Variants in TAFA4 observed in about 807,000 individuals in gnomAD.
TAFA4 encodes chemokine-like protein TAFA-4.
Under a neutral mutation model 21.1 loss-of-function variants are expected in TAFA4, and 20 were observed. That is an observed-to-expected ratio of 0.95 (90% CI 0.67 to 1.38). The LOEUF (loss-of-function observed/expected upper bound fraction) is 1.38. TAFA4 is among the 40% of genes most tolerant of loss of function. The pLI is 0.00. For synonymous variants in TAFA4, 71 were observed against 67.4 expected, an observed-to-expected ratio of 1.05 and a Z score of -0.26; for missense variants, 211 against 180.9, an observed-to-expected ratio of 1.17 and a Z score of -0.95.
rs566509598 is a variant in TAFA4, at chr3:68,784,851, C to T, written c.131-31833G>A. On this transcript the variant is annotated intron_variant, in intron 3 of 5. Coordinates refer to ENST00000295569, the MANE Select transcript of TAFA4 (RefSeq NM_182522.5). ...CTGAGCTAGACACAAAGGTTCTCCA[C>T]GTCCCCACCAGATTAGCTAGATACA... Among the ~76,000 whole-genome samples the T allele has an allele frequency of 1.1e-4, 17 of 152,186 alleles. No homozygotes were observed. In the East Asian group the frequency reaches 1.9e-3, roughly 17 times the overall value.
At chr3:68,742,909 T>C (rs1702384411) in intron 4 of TAFA4, among the ~76,000 whole-genome samples, 1 of 152,118 alleles carries the variant, frequency 6.6e-6, no homozygotes, top group African/African-American at 2.4e-5. Flanking sequence ...CTTATGCATC[T>C]ACTAGAAACA....
rs1355845011 is a variant in TAFA4 at position 68,787,529 on chromosome 3, TGTAAAGA to T, written c.131-34518_131-34512del. On this transcript the variant is annotated intron_variant, in intron 3 of 5. Coordinates refer to ENST00000295569, the MANE Select transcript of TAFA4 (RefSeq NM_182522.5). ...CAGATGAATGTCCAAAGTCTGCCAT[TGTAAAGA>T]AGAAAGAAGGGAAGAGGGCGAACGT... Among the ~76,000 whole-genome samples the T allele has an allele frequency of 2.0e-5, 3 of 152,070 alleles. No homozygotes were observed. In the East Asian group the frequency reaches 5.8e-4, roughly 29 times the overall value.
At position 68,877,599 on chromosome 3, in the gene TAFA4, G is replaced by T. The variant is rs1469857580; in HGVS notation, c.130+3131C>A. ...TAAAAGGGCTCTCAACACCCTTCTGGGTCACTCTGTTCCCCAGCTTGTTGA... is the reference window on the plus strand; with the variant it reads ...TAAAAGGGCTCTCAACACCCTTCTGTGTCACTCTGTTCCCCAGCTTGTTGA... On this transcript the variant is annotated intron_variant, in intron 3 of 5. Transcript: ENST00000295569. Among the ~76,000 whole-genome samples, 27 of 152,110 alleles carry T rather than the reference G, an allele frequency of 1.8e-4. 1 individual carries two copies. The highest frequency in any genetic ancestry group is 1.8e-3 in the Admixed American group (27 of 15,266).
At chr3:68,790,238 C>T (rs1703336750) in intron 3 of TAFA4, among the ~76,000 whole-genome samples, 1 of 150,118 alleles carries the variant, frequency 6.7e-6, no homozygotes, top group South Asian at 2.1e-4. Flanking sequence ...TTTGAAAGAT[C>T]AGATATGTAC....
chr3:68,835,214 C>A (rs961695801), intron 3 of TAFA4, among the ~76,000 whole-genome samples: 2 of 152,184 alleles, frequency 1.3e-5, no homozygotes, highest in African/African-American at 4.8e-5. Context: ...TTTGAAATAG[C>A]AAACTCCCCT....
At chr3:68,901,892 C>T (rs113699979) in intron 1 of TAFA4, among the ~76,000 whole-genome samples, 1 of 152,184 alleles carries the variant, frequency 6.6e-6, no homozygotes, top group East Asian at 1.9e-4. Context: ...CCTCTCTGAA[C>T]CTCAAGCTCT....
intron 3 of TAFA4, among the ~76,000 whole-genome samples, chr3:68,771,383 C>G (rs971674307): frequency 2.2e-4 from 34 of 152,228 alleles, no homozygotes; most frequent in Admixed American, 2.2e-3. Flanking sequence ...CCCCTAGACA[C>G]TGCCATGGGA....
At chr3:68,758,827 T>C (rs1702708449) in intron 3 of TAFA4, among the ~76,000 whole-genome samples, 1 of 152,220 alleles carries the variant, frequency 6.6e-6, no homozygotes, top group Non-Finnish European at 1.5e-5. Flanking sequence ...CAGCAGCTCG[T>C]GTTATAACAT....
rs191518486 is a variant in TAFA4 at position 68,750,427 on chromosome 3, G to T, written c.286+2436C>A. ...ACAAAGATTTCTGCAACCTAATACTGATAGGAATAAAGCAGGATGCGTGAA... is the reference window on the plus strand; with the variant it reads ...ACAAAGATTTCTGCAACCTAATACTTATAGGAATAAAGCAGGATGCGTGAA... On this transcript the variant is annotated intron_variant, in intron 4 of 5. Coordinates refer to ENST00000295569, the MANE Select transcript of TAFA4 (RefSeq NM_182522.5). 9.2e-4 allele frequency among the ~76,000 whole-genome samples: 140 copies of T among 152,294 alleles called. 2 individuals are homozygous for T. In the South Asian group the frequency reaches 0.027, roughly 29 times the overall value.
At chr3:68,836,757 C>T (rs1023271775) in intron 3 of TAFA4, among the ~76,000 whole-genome samples, 1 of 150,230 alleles carries the variant, frequency 6.7e-6, no homozygotes, top group African/African-American at 2.5e-5. Flanking sequence ...CTTTGTATAG[C>T]GAGAAAACAC....
At chr3:68,805,217 T>C (rs912459222) in intron 3 of TAFA4, among the ~76,000 whole-genome samples, 2 of 152,228 alleles carry the variant, frequency 1.3e-5, no homozygotes, top group Non-Finnish European at 1.5e-5. Flanking sequence ...TCATCATCAC[T>C]GGCCATCAGA....
intron 3 of TAFA4, among the ~76,000 whole-genome samples, chr3:68,777,952 T>C (rs935187383): frequency 2.2e-4 from 33 of 152,164 alleles, no homozygotes; most frequent in Admixed American, 2.2e-3. Flanking sequence ...AACTATATGA[T>C]ATGTGCACAA....
chr3:68,848,522 A>T (rs1704865749), intron 3 of TAFA4, among the ~76,000 whole-genome samples: 2 of 152,310 alleles, frequency 1.3e-5, no homozygotes, highest in Admixed American at 1.3e-4. Context: ...AGCCTTTTCA[A>T]CCTACTTTAC....
Position 68,793,721 on chromosome 3 carries a change from C to T in TAFA4, c.131-40703G>A, listed in dbSNP as rs139404324. Among the ~76,000 whole-genome samples, 151 of 152,256 alleles carry T rather than the reference C, an allele frequency of 9.9e-4. 1 individual carries two copies. The highest frequency in any genetic ancestry group is 3.4e-3 in the African/African-American group (142 of 41,542). On this transcript the variant is annotated intron_variant, in intron 3 of 5. Transcript: ENST00000295569. ...CATTTTTATTGCTGTGCTTGAGTTA[C>T]GGACTTTAAAAACTGCTTCATGCAT...
intron 4 of TAFA4, among the ~76,000 whole-genome samples, 189 bp from the exon 5 acceptor site, chr3:68,739,388 A>G (rs1702305256): frequency 6.6e-6 from 1 of 152,246 alleles, no homozygotes; most frequent in Admixed American, 6.5e-5. Flanking sequence ...AAATTTTAAA[A>G]GCAACAGATG....
intron 3 of TAFA4, among the ~76,000 whole-genome samples, chr3:68,815,708 T>C (rs1245652810): frequency 6.6e-6 from 1 of 152,194 alleles, no homozygotes; most frequent in Non-Finnish European, 1.5e-5. Context: ...ACTTTTACAC[T>C]GTTGGTGGGA....
At position 68,841,189 on chromosome 3, in the gene TAFA4, GGC is replaced by G. The variant is rs1233923479; in HGVS notation, c.130+39539_130+39540del. 3.2e-5 allele frequency among the ~76,000 whole-genome samples: 4 copies of G among 125,248 alleles called. 1 individual carries two copies. The highest frequency in any genetic ancestry group is 3.1e-4 in the Admixed American group (4 of 12,902). The allele number at this position is 125,248 out of a possible 152,430, so 82.2% of individuals were successfully genotyped here. The stretch of plus-strand genomic sequence containing the variant: ...ATACAAAAAATTAGCCGGGCGTAGT[GGC>G]GCGCGCCTGTAGTCCCAGCTACTTG... On this transcript the variant is annotated intron_variant, in intron 3 of 5. Coordinates refer to ENST00000295569, the MANE Select transcript of TAFA4 (RefSeq NM_182522.5).
Position 68,905,460 on chromosome 3 carries a change from G to T in TAFA4, c.-122-20150C>A, listed in dbSNP as rs367787739. ...TTGGATTACAGGTGTGAGCCACTGCGCCCGGCCGGTCTCTGCTTTCATACT... is the reference window on the plus strand; with the variant it reads ...TTGGATTACAGGTGTGAGCCACTGCTCCCGGCCGGTCTCTGCTTTCATACT... On this transcript the variant is annotated intron_variant, in intron 1 of 5. Transcript: ENST00000295569. Among the ~76,000 whole-genome samples the T allele has an allele frequency of 3.3e-5, 5 of 152,126 alleles. No individual in the cohort carries two copies. In the South Asian group the frequency reaches 1.0e-3, roughly 32 times the overall value.
intron 3 of TAFA4, among the ~76,000 whole-genome samples, chr3:68,850,168 A>C (rs1470501798): frequency 6.6e-6 from 1 of 152,194 alleles, no homozygotes; most frequent in Non-Finnish European, 1.5e-5. Flanking sequence ...CAACTCATTT[A>C]TACTAAACAC....
Sources: gnomAD v4.1 joint callset for allele counts (sites outside exome capture counted in the v4.1 genomes callset) on GRCh38, gnomAD v4.1.1 for gene constraint, MANE v1.5 for transcripts, NCBI Gene and HGNC (gene_info 2026-07-23, HGNC 2026-07-21) for gene names.